PALM2AKAP2: variants seen among roughly 807,000 people sequenced by gnomAD.
The protein encoded by PALM2AKAP2 is PALM2 and AKAP2 fusion.
In PALM2AKAP2, 37 loss-of-function variants were observed where a neutral mutation model predicts 71.5. The observed-to-expected ratio is 0.52, with a 90% CI of 0.40 to 0.68. The LOEUF (loss-of-function observed/expected upper bound fraction) is 0.68, where lower values mean the gene tolerates loss of function less well. Among genes scored for constraint, PALM2AKAP2 ranks in the 30% least tolerant of loss-of-function variants. PALM2AKAP2 has a pLI of 0.00. For missense variants in PALM2AKAP2, 1,224 were observed against 1,191.8 expected (o/e 1.03, Z -0.40); for synonymous variants, 468 against 478.8 (o/e 0.98, Z 0.29).
intron 1 of PALM2AKAP2, among the ~76,000 whole-genome samples, chr9:109,762,326 G>A (rs1016525403): frequency 1.3e-5 from 2 of 151,404 alleles, no homozygotes; most frequent in African/African-American, 4.8e-5. Context: ...ACTTTGATCA[G>A]TGGAAGACTA....
At chr9:109,890,495 G>A (rs1830063330) in intron 3 of PALM2AKAP2, among the ~76,000 whole-genome samples, 2 of 152,164 alleles carry the variant, frequency 1.3e-5, no homozygotes, top group African/African-American at 4.8e-5. Context: ...TGCATGCAAG[G>A]ATGGTAGAAA....
chr9:109,878,387 G>A (rs766318835), intron 2 of PALM2AKAP2, among the ~76,000 whole-genome samples: 2 of 152,088 alleles, frequency 1.3e-5, no homozygotes, highest in Non-Finnish European at 2.9e-5. Context: ...AGTATAGTTA[G>A]GAATAATTCT....
At chr9:109,985,342 G>T (rs1284790516) in intron 6 of PALM2AKAP2, among the ~76,000 whole-genome samples, 1 of 152,036 alleles carries the variant, frequency 6.6e-6, no homozygotes, top group Non-Finnish European at 1.5e-5. Context: ...ATGCTTAATT[G>T]TCTTGTAAAA....
In PALM2AKAP2 at chr9:110,000,333, G is replaced by A. The variant is rs142328325; in HGVS notation, c.497-15621G>A. ...CAGCTTCATCCATGTCCATAAAAAGGACATCAACTCATCATTTTTTATGGC... is the reference window on the plus strand; with the variant it reads ...CAGCTTCATCCATGTCCATAAAAAGAACATCAACTCATCATTTTTTATGGC... On this transcript the variant is annotated intron_variant, in intron 6 of 9. Transcript: ENST00000302798. Among the ~76,000 whole-genome samples, 146 of 152,228 alleles carry A rather than the reference G, an allele frequency of 9.6e-4. 2 individuals carry two copies. The highest frequency in any genetic ancestry group is 3.4e-3 in the African/African-American group (142 of 41,532).
chr9:110,002,431 G>A lies in PALM2AKAP2; in HGVS notation c.497-13523G>A, dbSNP rs572573158. Among the ~76,000 whole-genome samples, 36 of 151,770 alleles carry A rather than the reference G, an allele frequency of 2.4e-4. 2 individuals are homozygous for A. The highest frequency in any genetic ancestry group is 8.8e-4 in the African/African-American group (36 of 41,066). On this transcript the variant is annotated intron_variant, in intron 6 of 9. Coordinates refer to the PALM2AKAP2 transcript ENST00000302798. Reference sequence around the variant, plus strand: ...TTCACATCAAATAAAATACTGATGTGCCAGTATTCTATTGAGGATTTTTGC... The same window carrying A: ...TTCACATCAAATAAAATACTGATGTACCAGTATTCTATTGAGGATTTTTGC...
intron 1 of PALM2AKAP2, among the ~76,000 whole-genome samples, chr9:110,063,699 C>A (rs1834013889): frequency 6.6e-6 from 1 of 152,190 alleles, no homozygotes; most frequent in Non-Finnish European, 1.5e-5. Context: ...CCACGTTAGC[C>A]TCCCAAACTG....
intron 1 of PALM2AKAP2, among the ~76,000 whole-genome samples, chr9:109,837,849 C>T (rs1354824949): frequency 1.3e-5 from 2 of 152,152 alleles, no homozygotes; most frequent in African/African-American, 2.4e-5. Context: ...TATATATGCA[C>T]CCAATACAGG....
chr9:109,747,936 G>C (rs1828828602), intron 1 of PALM2AKAP2, among the ~76,000 whole-genome samples: 1 of 152,208 alleles, frequency 6.6e-6, no homozygotes, highest in Non-Finnish European at 1.5e-5. Flanking sequence ...CTCCCAAAGT[G>C]CTGGGATTAC....
chr9:109,860,010 T>C (rs1210556000), intron 1 of PALM2AKAP2, among the ~76,000 whole-genome samples: 1 of 152,204 alleles, frequency 6.6e-6, no homozygotes, highest in Admixed American at 6.5e-5. Flanking sequence ...GCTAACTACA[T>C]AGGAAGCCTG....
rs554628637 is a variant in PALM2AKAP2 at position 109,723,023 on chromosome 9, C to T, written c.6-57465C>T. Among the ~76,000 whole-genome samples, 31 of 152,232 alleles carry T rather than the reference C, an allele frequency of 2.0e-4. 1 individual carries two copies. Among genetic ancestry groups the T allele is most frequent in the Admixed American group, 1.6e-3 (24 of 15,298 alleles). On this transcript the variant is annotated intron_variant, in intron 1 of 6. Transcript: ENST00000374531. ...CCCAACTCGCGTTTTCTGGAAACTC[C>T]GCAAAAAGCACTGTGCCTGCAGCTG...
intron 1 of PALM2AKAP2, among the ~76,000 whole-genome samples, chr9:109,690,004 A>G (rs901709165): frequency 3.3e-5 from 5 of 151,998 alleles, no homozygotes; most frequent in Admixed American, 1.3e-4. Context: ...AGAATGGGGA[A>G]GAGTTTTTTT....
intron 7 of PALM2AKAP2, among the ~76,000 whole-genome samples, chr9:110,026,422 T>C (rs1198330671): frequency 6.6e-6 from 1 of 152,192 alleles, no homozygotes; most frequent in Non-Finnish European, 1.5e-5. Context: ...TAGCCTTTTT[T>C]CTTTAATTTT....
chr9:109,723,529 G>T (rs867665272), intron 1 of PALM2AKAP2, among the ~76,000 whole-genome samples: 6 of 152,260 alleles, frequency 3.9e-5, no homozygotes, highest in Non-Finnish European at 1.5e-5. Context: ...AAGATAGTGC[G>T]ACATGGAATT....
chr9:109,888,932 A>C (rs1377384883), intron 3 of PALM2AKAP2, among the ~76,000 whole-genome samples: 1 of 152,144 alleles, frequency 6.6e-6, no homozygotes, highest in Non-Finnish European at 1.5e-5. Context: ...ATGATAATAA[A>C]ACATGTCTCC....
chr9:110,063,551 T>A (rs1284174538), intron 1 of PALM2AKAP2, among the ~76,000 whole-genome samples: 1 of 152,056 alleles, frequency 6.6e-6, no homozygotes, highest in Non-Finnish European at 1.5e-5. Context: ...GTGATTCTCC[T>A]GCCTCAGCCT....
chr9:110,126,691 C>G (rs1044666128), intron 1 of PALM2AKAP2, among the ~76,000 whole-genome samples: 2 of 152,194 alleles, frequency 1.3e-5, no homozygotes, highest in African/African-American at 4.8e-5. Context: ...AAGAAACAAC[C>G]CTTTCATCAG....
intron 7 of PALM2AKAP2, among the ~76,000 whole-genome samples, chr9:110,017,428 G>A (rs1381803955): frequency 6.6e-6 from 1 of 152,184 alleles, no homozygotes; most frequent in East Asian, 1.9e-4. Flanking sequence ...AGCAGAATTT[G>A]TAAGACAATA....
intron 3 of PALM2AKAP2, among the ~76,000 whole-genome samples, chr9:110,158,103 CACTGTAGG>C (rs1256207325): frequency 6.6e-6 from 1 of 152,210 alleles, no homozygotes; most frequent in Non-Finnish European, 1.5e-5. Flanking sequence ...TGCTGAACCT[CACTGTAGG>C]GGAGCCAGCA....
In PALM2AKAP2 at chr9:109,732,869, TC is replaced by T. The variant is rs1828577532; in HGVS notation, c.6-47617del. Among the ~76,000 whole-genome samples the T allele has an allele frequency of 5.3e-5, 8 of 152,222 alleles. No individual in the cohort carries two copies. The South Asian group carries it at 1.7e-3, about 32-fold the overall frequency. ...TGCAAAATTCAGTGTTGAAGAGTGT[TC>T]CTGGCAGAGGTTGCTGAGGTATAAA... On this transcript the variant is annotated intron_variant, in intron 1 of 6. Coordinates refer to the PALM2AKAP2 transcript ENST00000374531.
Sources: gnomAD v4.1 joint callset for allele counts (sites outside exome capture counted in the v4.1 genomes callset) on GRCh38, gnomAD v4.1.1 for gene constraint, MANE v1.5 for transcripts, NCBI Gene and HGNC (gene_info 2026-07-23, HGNC 2026-07-21) for gene names.